Variants in GSDMC observed in about 807,000 individuals in gnomAD.
GSDMC encodes the protein gasdermin C, also known as gasdermin-C.
GSDMC carries 59 observed loss-of-function variants against 58.0 expected under a neutral mutation model. The observed-to-expected ratio is 1.02, with a 90% CI of 0.82 to 1.26. The LOEUF (loss-of-function observed/expected upper bound fraction) is 1.26. Ranked by LOEUF, GSDMC falls within the 50% of genes most tolerant of loss-of-function variation. The pLI, the probability that GSDMC is intolerant of heterozygous loss-of-function variation, is 0.00. For synonymous variants in GSDMC, 241 were observed against 220.2 expected (o/e 1.09, Z -0.83); for missense variants, 659 against 598.5 (o/e 1.10, Z -1.06).
the GSDMC span, among the ~76,000 whole-genome samples, chr8:129,716,005 A>G: frequency 6.6e-6 from 1 of 152,196 alleles, no homozygotes; most frequent in Non-Finnish European, 1.5e-5. Flanking sequence ...CTAAAATAAC[A>G]ATACAAAGTT....
intron 3 of GSDMC, among the ~76,000 whole-genome samples, chr8:129,774,281 A>G (rs1257758488): frequency 1.3e-5 from 2 of 152,162 alleles, no homozygotes; most frequent in Non-Finnish European, 2.9e-5. Flanking sequence ...GACAAGCGTG[A>G]CAAGAAAAGA....
rs755345905 is a variant in GSDMC, at chr8:129,777,362, C to G, written c.220+6G>C. ...CCTCACCTCCTTGGCCTCTGGCTGA[C>G]AATACCTAGGACTGAAGAACTTGGC... On this transcript the variant is annotated splice_donor_region_variant and intron_variant, in intron 2 of 13. Transcript: ENST00000276708. 1 of 1,582,010 alleles carries G rather than the reference C, an allele frequency of 6.3e-7. No homozygotes were observed. The highest frequency in any genetic ancestry group is 8.7e-7 in the Non-Finnish European group (1 of 1,151,044).
At chr8:129,756,574 C>T (rs1433459125) in intron 6 of GSDMC, among the ~76,000 whole-genome samples, 1 of 152,134 alleles carries the variant, frequency 6.6e-6, no homozygotes, top group African/African-American at 2.4e-5. Context: ...ACTTAGAGAA[C>T]ATTTCATCTA....
chr8:129,778,692 A>C (rs2034319734), intron 1 of GSDMC, among the ~76,000 whole-genome samples: 1 of 152,136 alleles, frequency 6.6e-6, no homozygotes, highest in Admixed American at 6.5e-5. Flanking sequence ...AATGGGAGAA[A>C]ATTTTTGCAA....
chr8:129,767,439 C>T (rs1462327754), intron 3 of GSDMC, among the ~76,000 whole-genome samples: 1 of 151,968 alleles, frequency 6.6e-6, no homozygotes, highest in African/African-American at 2.4e-5. Context: ...GTGACTCTGC[C>T]TAACTGTGGA....
chr8:129,774,057 AT>A (rs1422909797), intron 3 of GSDMC, among the ~76,000 whole-genome samples: 2 of 152,198 alleles, frequency 1.3e-5, no homozygotes, highest in African/African-American at 2.4e-5. Flanking sequence ...AATAGAAAAA[AT>A]AATCTTAAAA....
Position 129,751,580 on chromosome 8 carries a change from A to T in GSDMC, c.917-12T>A. 6.2e-7 allele frequency: 1 copy of T among 1,611,684 alleles called. No individual in the cohort carries two copies. Among genetic ancestry groups the T allele is most frequent in the South Asian group, 1.1e-5 (1 of 90,932 alleles). ...TTCCTCTATTCTTCCTAGAAGGAGA[A>T]TCAAGTCATCATCTCACTTCCTCAT... On this transcript the variant is annotated splice_polypyrimidine_tract_variant and intron_variant, in intron 9 of 13. Coordinates refer to ENST00000276708, the MANE Select transcript of GSDMC (RefSeq NM_031415.3).
the GSDMC span, among the ~76,000 whole-genome samples, chr8:129,727,741 G>A: frequency 1.3e-5 from 2 of 152,196 alleles, no homozygotes; most frequent in African/African-American, 4.8e-5. Context: ...TTAGTCTTGG[G>A]TAAGAGATTG....
Position 129,760,541 on chromosome 8 carries a change from T to C in GSDMC, c.721+4A>G. ...AAATAAAAAGACCAGGCTTTGGAAC[T>C]CACCATCTTGAAAGGTTCTCTGTTC... On this transcript the variant is annotated splice_donor_region_variant and intron_variant, in intron 6 of 13. Coordinates refer to ENST00000276708, the MANE Select transcript of GSDMC (RefSeq NM_031415.3). 6.4e-7 allele frequency: 1 copy of C among 1,573,072 alleles called. No individual in the cohort carries two copies. The highest frequency in any genetic ancestry group is 8.7e-7 in the Non-Finnish European group (1 of 1,144,462).
chr8:129,765,799 G>A lies in GSDMC; in HGVS notation c.405-6C>T. 6.2e-7 allele frequency: 1 copy of A among 1,611,966 alleles called. No individual in the cohort carries two copies. Among genetic ancestry groups the A allele is most frequent in the Non-Finnish European group, 8.5e-7 (1 of 1,178,938 alleles). On this transcript the variant is annotated splice_polypyrimidine_tract_variant and splice_region_variant and intron_variant, in intron 3 of 13. Coordinates refer to ENST00000276708, the MANE Select transcript of GSDMC (RefSeq NM_031415.3). The stretch of plus-strand genomic sequence containing the variant: ...GCTCTGGATCCAACAGTTTCCTGGG[G>A]ATTTAAGGAAGGAGGACAAGAGTCA...
At chr8:129,772,825 A>T (rs552369764) in intron 3 of GSDMC, among the ~76,000 whole-genome samples, 17 of 152,246 alleles carry the variant, frequency 1.1e-4, no homozygotes, top group Non-Finnish European at 2.1e-4. Context: ...AAAGAAAATT[A>T]CAGGCCAATA....
downstream of GSDMC, among the ~76,000 whole-genome samples, chr8:129,746,036 T>C (rs1387545659): frequency 6.6e-6 from 1 of 151,930 alleles, no homozygotes; most frequent in East Asian, 1.9e-4. Flanking sequence ...CAAATATAAT[T>C]TGGACAGAGC....
chr8:129,737,072 C>A, the GSDMC span, among the ~76,000 whole-genome samples: 2 of 152,018 alleles, frequency 1.3e-5, no homozygotes, highest in Admixed American at 1.3e-4. Context: ...ACCTAGGAAT[C>A]CAACTTACAA....
the GSDMC span, among the ~76,000 whole-genome samples, chr8:129,733,694 T>A: frequency 5.9e-5 from 9 of 152,184 alleles, no homozygotes; most frequent in Admixed American, 3.3e-4. Context: ...CAAAGGTAGA[T>A]AAAACCACAA....
chr8:129,751,625 A>T, intron 9 of GSDMC, 57 bp from the exon 10 acceptor site: 1 of 1,557,724 alleles, frequency 6.4e-7, no homozygotes, highest in South Asian at 1.1e-5. Context: ...TTTGCTTTTC[A>T]GATGTTTTGG....
At chr8:129,779,117 C>G (rs1341323385) in intron 1 of GSDMC, among the ~76,000 whole-genome samples, 3 of 152,018 alleles carry the variant, frequency 2.0e-5, no homozygotes, top group Non-Finnish European at 4.4e-5. Flanking sequence ...GGGTATATAC[C>G]CAAAGGAACA....
At chr8:129,731,221 C>A in the GSDMC span, among the ~76,000 whole-genome samples, 1 of 152,172 alleles carries the variant, frequency 6.6e-6, no homozygotes, top group Non-Finnish European at 1.5e-5. Context: ...GAAAGAATAT[C>A]CTTGGAAGGG....
chr8:129,743,455 A>G (rs2032905433), downstream of GSDMC, among the ~76,000 whole-genome samples: 1 of 152,198 alleles, frequency 6.6e-6, no homozygotes, highest in Non-Finnish European at 1.5e-5. Flanking sequence ...TCTTTCCTCA[A>G]TAGGCTTCTG....
the GSDMC span, among the ~76,000 whole-genome samples, chr8:129,721,407 C>T: frequency 6.6e-6 from 1 of 152,168 alleles, no homozygotes. Context: ...CTGAAGCTGG[C>T]AAATCCTACT....
Sources: allele counts gnomAD v4.1 joint callset (sites outside exome capture counted in the v4.1 genomes callset), GRCh38; gene constraint gnomAD v4.1.1; transcripts MANE v1.5; gene names NCBI Gene and HGNC (gene_info 2026-07-23, HGNC 2026-07-21).